The following ASZ1 variants were observed in gnomAD, a reference collection of about 807,000 sequenced individuals.
ASZ1 encodes the protein ankyrin repeat, SAM and basic leucine zipper domain containing 1, also known as ankyrin repeat, SAM and basic leucine zipper domain-containing protein 1.
In ASZ1, 67 loss-of-function variants were observed where a neutral mutation model predicts 61.8. The observed-to-expected ratio is 1.08, with a 90% CI of 0.89 to 1.33. The LOEUF is 1.33. Among genes scored for constraint, ASZ1 ranks in the 40% most tolerant of loss-of-function variants. ASZ1 has a pLI of 0.00. For missense variants in ASZ1, 577 were observed against 554.5 expected (o/e 1.04, Z -0.41); for synonymous variants, 193 against 192.7 (o/e 1.00, Z -0.01).
At position 117,420,257 on chromosome 7, in the gene ASZ1, T is replaced by A. The variant is rs1221958978; in HGVS notation, c.346A>T (p.Ile116Leu). The A allele has an allele frequency of 6.2e-7, 1 of 1,612,134 alleles. No individual in the cohort carries two copies. Among genetic ancestry groups the A allele is most frequent in the Admixed American group, 1.7e-5 (1 of 59,940 alleles). ...GAGCCATGAGCAGAACATGCAGTTATCAAAATACTTTGCTTATCTATAGTG... is the reference window on the plus strand; with the variant it reads ...GAGCCATGAGCAGAACATGCAGTTAACAAAATACTTTGCTTATCTATAGTG... Reference protein sequence around the residue: ...SFEKDKQSILITACSAHGSEE... With the variant: ...SFEKDKQSILLTACSAHGSEE... The change falls in exon 4 of 13, where the codon ATA (isoleucine) becomes TTA (leucine). Residue 116 changes from isoleucine (I) to leucine (L), a missense_variant. Ile to Leu is a conservative substitution (Grantham distance 5). Transcript: ENST00000284629.
chr7:117,369,086 A>G (rs996488349), intron 10 of ASZ1, among the ~76,000 whole-genome samples: 1 of 152,196 alleles, frequency 6.6e-6, no homozygotes. Context: ...TATAGGATAG[A>G]TGTTGTTAAT....
At chr7:117,367,858 G>A in intron 11 of ASZ1, 1 of 986,306 alleles carries the variant, frequency 1.0e-6, no homozygotes, top group Non-Finnish European at 1.2e-6. Context: ...CATGAAATAA[G>A]CTGCTTTTGC....
rs190243517 is a variant in ASZ1 at position 117,376,930 on chromosome 7, A to G, written c.1055+3008T>C. Among the ~76,000 whole-genome samples the G allele has an allele frequency of 2.6e-5, 4 of 152,202 alleles. No individual in the cohort carries two copies. In the East Asian group the frequency reaches 7.7e-4, roughly 29 times the overall value. ...TATCCAACATAATACTGAAAGTCTT[A>G]CCCACTGCCATGAGGGAAAAAAAAG... On this transcript the variant is annotated intron_variant, in intron 10 of 12. Transcript: ENST00000284629.
intron 4 of ASZ1, among the ~76,000 whole-genome samples, chr7:117,417,004 AT>A (rs1390541258): frequency 2.0e-5 from 3 of 152,052 alleles, no homozygotes; most frequent in Non-Finnish European, 1.5e-5. Context: ...TCAGTAACTC[AT>A]TTTTCCCCAT....
chr7:117,419,951 A>T (rs1797068444), intron 4 of ASZ1, among the ~76,000 whole-genome samples: 2 of 152,198 alleles, frequency 1.3e-5, no homozygotes, highest in African/African-American at 4.8e-5. Context: ...CTAAATTCTT[A>T]TGACGTTTCT....
intron 10 of ASZ1, among the ~76,000 whole-genome samples, chr7:117,376,926 T>A (rs1329093996): frequency 6.6e-6 from 1 of 151,898 alleles, no homozygotes; most frequent in East Asian, 1.9e-4. Context: ...ATACTGAAAG[T>A]CTTACCCACT....
chr7:117,381,139 A>C (rs780365468), intron 8 of ASZ1, 72 bp from the exon 9 acceptor site: 1 of 1,352,754 alleles, frequency 7.4e-7, no homozygotes, highest in South Asian at 1.3e-5. Flanking sequence ...GCAAATGTTC[A>C]TAAGTTAGTT....
intron 10 of ASZ1, among the ~76,000 whole-genome samples, chr7:117,370,804 TTGTGTGTGTGTGTG>T (rs3138784): frequency 3.6e-4 from 48 of 133,302 alleles, no homozygotes; most frequent in African/African-American, 4.6e-4. Flanking sequence ...CCAAAGGTAA[TTGTGTGTGTGTGTG>T]TGTGTGTGTG....
At chr7:117,388,879 A>T (rs1407675634) in intron 4 of ASZ1, among the ~76,000 whole-genome samples, 1 of 152,208 alleles carries the variant, frequency 6.6e-6, no homozygotes, top group Non-Finnish European at 1.5e-5. Flanking sequence ...TGTATATAGA[A>T]AACCTGATGG....
rs767605553 is a variant in ASZ1 at position 117,420,254 on chromosome 7, T to G, written c.349A>C (p.Thr117Pro). Residue 117 changes from threonine (T) to proline (P), a missense_variant, in exon 4 of 13, where the codon ACT (threonine) becomes CCT (proline). Thr to Pro is a conservative substitution (Grantham distance 38). Coordinates refer to ENST00000284629, the MANE Select transcript of ASZ1 (RefSeq NM_130768.3). ...TCTGAGCCATGAGCAGAACATGCAG[T>G]TATCAAAATACTTTGCTTATCTATA... Reference protein sequence around the residue: ...FEKDKQSILITACSAHGSEEQ... With the variant: ...FEKDKQSILIPACSAHGSEEQ... The G allele has an allele frequency of 2.5e-6, 4 of 1,612,116 alleles. No homozygotes were observed. The highest frequency in any genetic ancestry group is 3.4e-6 in the Non-Finnish European group (4 of 1,179,442).
intron 4 of ASZ1, among the ~76,000 whole-genome samples, chr7:117,400,871 C>T (rs926841310): frequency 6.6e-6 from 1 of 152,170 alleles, no homozygotes; most frequent in Non-Finnish European, 1.5e-5. Flanking sequence ...ATCCTGAAAT[C>T]CAGCCTTGAA....
chr7:117,391,564 C>G (rs1191707384), intron 4 of ASZ1, among the ~76,000 whole-genome samples: 2 of 152,078 alleles, frequency 1.3e-5, no homozygotes, highest in Non-Finnish European at 2.9e-5. Context: ...AATAGGGTAT[C>G]CTTTCCCCAC....
intron 4 of ASZ1, among the ~76,000 whole-genome samples, chr7:117,405,476 C>G (rs1181968657): frequency 6.6e-6 from 1 of 152,198 alleles, no homozygotes; most frequent in Non-Finnish European, 1.5e-5. Flanking sequence ...GTGACTTTCA[C>G]TTAGTTGGAT....
chr7:117,403,725 A>G (rs1796723424), intron 4 of ASZ1, among the ~76,000 whole-genome samples: 1 of 152,118 alleles, frequency 6.6e-6, no homozygotes, highest in African/African-American at 2.4e-5. Flanking sequence ...ATATGAGTGC[A>G]CTTGGCTCCA....
chr7:117,403,554 G>A (rs1041696793), intron 4 of ASZ1, among the ~76,000 whole-genome samples: 5 of 152,146 alleles, frequency 3.3e-5, no homozygotes, highest in African/African-American at 7.2e-5. Flanking sequence ...CAAAATACTC[G>A]TTCCCAAGAT....
rs1270757315 is a variant in ASZ1, at chr7:117,427,489, C to A, written c.-29G>T. On this transcript the variant is annotated 5_prime_UTR_variant, in exon 1 of 13. Coordinates refer to ENST00000284629, the MANE Select transcript of ASZ1 (RefSeq NM_130768.3). ...AGCCAAGGAAGCTCCCTGTCGGCAC[C>A]GCGCGCCCTTCAGCTCTCCGGGCGC... The A allele has an allele frequency of 6.2e-7, 1 of 1,610,436 alleles. No homozygotes were observed. The highest frequency in any genetic ancestry group is 8.5e-7 in the Non-Finnish European group (1 of 1,177,312).
chr7:117,425,624 GT>G (rs34502676), intron 2 of ASZ1, among the ~76,000 whole-genome samples: 16,935 of 149,146 alleles, frequency 0.11, 1,502 homozygotes, highest in East Asian at 0.44. Context: ...GTAATTTAAA[GT>G]TTTTTTTTTA....
intron 10 of ASZ1, among the ~76,000 whole-genome samples, chr7:117,371,901 A>T (rs1312270529): frequency 6.6e-6 from 1 of 152,208 alleles, no homozygotes; most frequent in East Asian, 1.9e-4. Flanking sequence ...TCTTATTCTT[A>T]AGATAGTAAG....
rs756324076 is a variant in ASZ1, at chr7:117,420,272, T to C, written c.331A>G (p.Lys111Glu). Residue 111 changes from lysine (K) to glutamate (E), a missense_variant and splice_region_variant, in exon 4 of 13, where the codon AAG becomes GAG. By Grantham distance (56) the Lys-to-Glu change is moderately conservative (BLOSUM62 1). Transcript: ENST00000284629. ...RGANASFEKD[K>E]QSILITACSA... ...CATGCAGTTATCAAAATACTTTGCT[T>C]ATCTATAGTGAATAGAAAAGTGAGG... is the stretch of plus-strand genomic sequence containing the variant. 3 of 1,609,108 alleles carry C rather than the reference T, an allele frequency of 1.9e-6. No individual in the cohort carries two copies. Among genetic ancestry groups the C allele is most frequent in the African/African-American group, 2.7e-5 (2 of 74,818 alleles).
Sources: allele counts gnomAD v4.1 joint callset (sites outside exome capture counted in the v4.1 genomes callset), GRCh38; gene constraint gnomAD v4.1.1; transcripts MANE v1.5; gene names NCBI Gene and HGNC (gene_info 2026-07-23, HGNC 2026-07-21).